Variants in HSPBAP1 observed in about 807,000 individuals in gnomAD.
The protein encoded by HSPBAP1 is HSPB1-associated protein 1.
Under a neutral mutation model 45.2 loss-of-function variants are expected in HSPBAP1, and 27 were observed. The observed-to-expected ratio is 0.60, with a 90% CI of 0.44 to 0.82. The LOEUF (loss-of-function observed/expected upper bound fraction) is 0.82. Among genes scored for constraint, HSPBAP1 ranks in the 40% least tolerant of loss-of-function variants. The pLI, the probability that HSPBAP1 is intolerant of heterozygous loss-of-function variation, is 0.00. For synonymous variants in HSPBAP1, 204 were observed against 202.7 expected, an observed-to-expected ratio of 1.01 and a Z score of -0.06; for missense variants, 510 against 590.9, an observed-to-expected ratio of 0.86 and a Z score of 1.42.
At chr3:122,772,702 G>T (rs573696176) in intron 2 of HSPBAP1, among the ~76,000 whole-genome samples, 1 of 151,944 alleles carries the variant, frequency 6.6e-6, no homozygotes, top group African/African-American at 2.4e-5. Flanking sequence ...TCTATTTTCA[G>T]GATAAAGAAG....
intron 2 of HSPBAP1, among the ~76,000 whole-genome samples, chr3:122,773,825 G>A (rs1935095068): frequency 1.3e-5 from 2 of 150,108 alleles, no homozygotes; most frequent in African/African-American, 4.9e-5. Flanking sequence ...TTTTTGTAGA[G>A]ACAGGGTTTT....
At chr3:122,764,612 G>C (rs1167450455) in intron 3 of HSPBAP1, among the ~76,000 whole-genome samples, 1 of 152,100 alleles carries the variant, frequency 6.6e-6, no homozygotes, top group Non-Finnish European at 1.5e-5. Flanking sequence ...TTTGTGTATA[G>C]CAAATAAAAT....
At chr3:122,744,259 G>C (rs1933770800) in intron 6 of HSPBAP1, among the ~76,000 whole-genome samples, 1 of 151,910 alleles carries the variant, frequency 6.6e-6, no homozygotes, top group Non-Finnish European at 1.5e-5. Flanking sequence ...AGATGAAAAG[G>C]CACCAGCCAA....
At chr3:122,775,938 A>C (rs890815552) in intron 2 of HSPBAP1, among the ~76,000 whole-genome samples, 1 of 152,254 alleles carries the variant, frequency 6.6e-6, no homozygotes, top group Non-Finnish European at 1.5e-5. Flanking sequence ...GGCAATAGAA[A>C]GAATTGAAGT....
intron 2 of HSPBAP1, among the ~76,000 whole-genome samples, chr3:122,776,015 G>A (rs904344057): frequency 3.9e-5 from 6 of 152,166 alleles, no homozygotes; most frequent in African/African-American, 1.4e-4. Flanking sequence ...AGGCACAAAA[G>A]GGCCAATAGT....
intron 4 of HSPBAP1, among the ~76,000 whole-genome samples, chr3:122,758,316 TATATC>T (rs1395077862): frequency 6.6e-6 from 1 of 152,148 alleles, no homozygotes; most frequent in Non-Finnish European, 1.5e-5. Context: ...AGAAACCAGG[TATATC>T]AAAAGCACTG....
At chr3:122,781,476 G>C (rs992397999) in intron 1 of HSPBAP1, among the ~76,000 whole-genome samples, 7 of 152,180 alleles carry the variant, frequency 4.6e-5, no homozygotes, top group Non-Finnish European at 8.8e-5. Flanking sequence ...AATCAGGCAG[G>C]GAGGTTGCAG....
intron 5 of HSPBAP1, chr3:122,753,920 T>G (rs77103537): frequency 0.069 from 67,514 of 983,008 alleles, 2,472 homozygotes; most frequent in Middle Eastern, 0.084. Flanking sequence ...GAAGAGAAAA[T>G]GAATTGGCAA....
At chr3:122,753,296 G>T in intron 5 of HSPBAP1, 1 of 325,116 alleles carries the variant, frequency 3.1e-6, no homozygotes, top group Non-Finnish European at 4.4e-6. Context: ...AGGGAGGTAG[G>T]ACTACAGAAG....
chr3:122,747,824 G>A (rs1304019947), intron 6 of HSPBAP1, among the ~76,000 whole-genome samples: 1 of 151,630 alleles, frequency 6.6e-6, no homozygotes, highest in South Asian at 2.1e-4. Context: ...CTGCCCAGCC[G>A]CCCCTACTGG....
intron 1 of HSPBAP1, among the ~76,000 whole-genome samples, chr3:122,781,173 A>C (rs1262660607): frequency 6.6e-6 from 1 of 151,672 alleles, no homozygotes; most frequent in Non-Finnish European, 1.5e-5. Context: ...CAGAGGCTGC[A>C]ATCTCGGCAC....
rs1560101027 is a variant in HSPBAP1 at position 122,740,805 on chromosome 3, C to G, written c.1007G>C (p.Cys336Ser). The change falls in exon 8 of 8, where the codon TGC (cysteine) becomes TCC (serine). Residue 336 changes from cysteine (C) to serine (S), a missense_variant. Physicochemically the swap from Cys to Ser is moderately radical, Grantham distance 112 (BLOSUM62 -1). Transcript: ENST00000306103. ...GATTTCTACTACCTCAGATGTTCTG[C>G]AGCGATCAAAAAATGCAGAAACAGC... ...NAAVSAFFDRCRTSEVVEIQA... is the reference protein window; with the variant it reads ...NAAVSAFFDRSRTSEVVEIQA... The G allele has an allele frequency of 6.2e-7, 1 of 1,614,084 alleles. No individual in the cohort carries two copies. The highest frequency in any genetic ancestry group is 1.1e-5 in the South Asian group (1 of 91,090).
intron 6 of HSPBAP1, among the ~76,000 whole-genome samples, chr3:122,744,090 T>C (rs1182103684): frequency 1.3e-5 from 2 of 152,208 alleles, no homozygotes; most frequent in Non-Finnish European, 2.9e-5. Flanking sequence ...TTATATATTA[T>C]GTTACATATT....
intron 3 of HSPBAP1, among the ~76,000 whole-genome samples, chr3:122,766,985 G>A (rs1479521141): frequency 1.3e-5 from 2 of 152,070 alleles, no homozygotes; most frequent in South Asian, 2.1e-4. Flanking sequence ...TCTAATTTAC[G>A]GAATGGTGGG....
chr3:122,748,339 C>G (rs1182553096), intron 6 of HSPBAP1, among the ~76,000 whole-genome samples: 1 of 151,078 alleles, frequency 6.6e-6, no homozygotes. Context: ...TATGACCCTG[C>G]CAAATCCCCC....
chr3:122,766,777 C>CT (rs1339236791), intron 3 of HSPBAP1, among the ~76,000 whole-genome samples: 1 of 152,214 alleles, frequency 6.6e-6, no homozygotes, highest in Non-Finnish European at 1.5e-5. Context: ...TTACCCCTTC[C>CT]TTGTTGTATA....
At chr3:122,777,613 A>C (rs1245219969) in intron 2 of HSPBAP1, 108 bp downstream of exon 2, 1 of 727,364 alleles carries the variant, frequency 1.4e-6, no homozygotes, top group African/African-American at 1.8e-5. Context: ...GTGAATGGTC[A>C]AAAAAAGGAT....
intron 6 of HSPBAP1, among the ~76,000 whole-genome samples, chr3:122,746,347 T>C (rs1576233017): frequency 6.8e-6 from 1 of 147,948 alleles, no homozygotes; most frequent in African/African-American, 2.5e-5. Flanking sequence ...AAGAACACAT[T>C]AAAAAAACAG....
intron 4 of HSPBAP1, among the ~76,000 whole-genome samples, chr3:122,755,817 T>C (rs1934333400): frequency 1.3e-5 from 2 of 152,160 alleles, no homozygotes; most frequent in African/African-American, 4.8e-5. Context: ...CAAATATCTG[T>C]ATTCTTATCT....
Sources: gnomAD v4.1 joint callset for allele counts (sites outside exome capture counted in the v4.1 genomes callset) on GRCh38, gnomAD v4.1.1 for gene constraint, MANE v1.5 for transcripts, NCBI Gene and HGNC (gene_info 2026-07-23, HGNC 2026-07-21) for gene names.